The following CUBN variants were observed in gnomAD, a reference collection of about 807,000 sequenced individuals.
CUBN encodes the protein cubilin, also known as 460 kDa receptor.
Under a neutral mutation model 405.3 loss-of-function variants are expected in CUBN, and 282 were observed. That is an observed-to-expected ratio of 0.70 (90% confidence interval 0.63 to 0.77). The LOEUF is 0.77. Ranked by LOEUF, CUBN falls within the 30% of genes least tolerant of loss-of-function variation. The pLI, the probability that CUBN is intolerant of heterozygous loss-of-function variation, is 0.00. For synonymous variants in CUBN, 1,684 were observed against 1,617.0 expected (o/e 1.04, Z -0.99); for missense variants, 4,514 against 4,475.2 (o/e 1.01, Z -0.25).
chr10:16,950,590 G>A (rs942096606), intron 33 of CUBN, among the ~76,000 whole-genome samples: 2 of 152,204 alleles, frequency 1.3e-5, no homozygotes, highest in South Asian at 2.1e-4. Flanking sequence ...CATGGTTGAA[G>A]GGATAAAGCA....
At chr10:17,077,284 T>G (rs1012222766) in intron 17 of CUBN, among the ~76,000 whole-genome samples, 3 of 152,076 alleles carry the variant, frequency 2.0e-5, no homozygotes, top group African/African-American at 7.2e-5. Flanking sequence ...TTAAACTAGT[T>G]CCAGAAGAGA....
chr10:17,038,718 G>T (rs1340350564), intron 27 of CUBN, among the ~76,000 whole-genome samples: 3 of 152,192 alleles, frequency 2.0e-5, no homozygotes, highest in Non-Finnish European at 4.4e-5. Flanking sequence ...TTGTTTGTGT[G>T]TTAAAATTTC....
At chr10:16,971,580 T>C (rs888349666) in intron 31 of CUBN, among the ~76,000 whole-genome samples, 8 of 152,350 alleles carry the variant, frequency 5.3e-5, no homozygotes, top group South Asian at 2.1e-4. Context: ...TTAGTTTGTA[T>C]ACAATTTATG....
intron 25 of CUBN, among the ~76,000 whole-genome samples, 193 bp from the exon 26 acceptor site, chr10:17,044,176 T>C (rs1487700204): frequency 6.8e-6 from 1 of 147,002 alleles, no homozygotes; most frequent in Admixed American, 6.8e-5. Context: ...ATAAATTTAT[T>C]TAATACATAT....
At chr10:16,849,282 G>A (rs1293771604) in intron 60 of CUBN, among the ~76,000 whole-genome samples, 7 of 152,122 alleles carry the variant, frequency 4.6e-5, no homozygotes, top group African/African-American at 7.2e-5. Context: ...TTTTCATGAC[G>A]CGTCTGTTCT....
At chr10:17,067,670 G>A (rs1295012969) in intron 21 of CUBN, among the ~76,000 whole-genome samples, 1 of 152,118 alleles carries the variant, frequency 6.6e-6, no homozygotes, top group Non-Finnish European at 1.5e-5. Flanking sequence ...TATGCTAATT[G>A]AGGAAAGTCA....
chr10:16,852,715 T>C (rs1332999913), intron 59 of CUBN, among the ~76,000 whole-genome samples: 1 of 152,242 alleles, frequency 6.6e-6, no homozygotes, highest in Non-Finnish European at 1.5e-5. Flanking sequence ...TCAAGTACTT[T>C]GCATAATAAA....
chr10:16,854,792 T>C (rs1244832536), intron 59 of CUBN, among the ~76,000 whole-genome samples: 1 of 152,180 alleles, frequency 6.6e-6, no homozygotes, highest in Non-Finnish European at 1.5e-5. Flanking sequence ...ACTACTGCTA[T>C]GACTAATGCC....
intron 28 of CUBN, among the ~76,000 whole-genome samples, chr10:17,012,299 A>G (rs1429251243): frequency 6.6e-6 from 1 of 152,186 alleles, no homozygotes; most frequent in African/African-American, 2.4e-5. Flanking sequence ...TTGGTATAAG[A>G]GTTTGAAAGG....
At chr10:16,881,683 G>A (rs1304872247) in intron 56 of CUBN, among the ~76,000 whole-genome samples, 3 of 152,236 alleles carry the variant, frequency 2.0e-5, no homozygotes, top group Middle Eastern at 3.4e-3. Context: ...TCTAGTAGTC[G>A]TTTGTTTAAG....
intron 13 of CUBN, among the ~76,000 whole-genome samples, chr10:17,101,098 A>AT (rs1379690671): frequency 1.3e-5 from 2 of 152,182 alleles, no homozygotes; most frequent in African/African-American, 4.8e-5. Context: ...AATATAAGGA[A>AT]TTTTTTAAAT....
chr10:17,111,433 G>A (rs1269102672), intron 8 of CUBN, among the ~76,000 whole-genome samples: 1 of 152,124 alleles, frequency 6.6e-6, no homozygotes, highest in African/African-American at 2.4e-5. Flanking sequence ...ACTGGTATAA[G>A]TAGGTAAGAG....
chr10:16,949,378 G>C (rs1007689834), intron 34 of CUBN, among the ~76,000 whole-genome samples: 14 of 151,638 alleles, frequency 9.2e-5, no homozygotes, highest in African/African-American at 3.2e-4. Context: ...AGGATGAGAA[G>C]TTTTTACAAC....
In CUBN at chr10:17,045,097, C is replaced by T; in HGVS notation, c.3582G>A (p.Trp1194Ter). Residue 1194 changes from tryptophan (W) to a stop codon, truncating the protein, a stop_gained, in exon 25 of 67, where the codon TGG (tryptophan) becomes TGA (stop). Coordinates refer to ENST00000377833, the MANE Select transcript of CUBN (RefSeq NM_001081.4). LOFTEE classifies it high-confidence loss of function. ...ATGCGCTGCCGTGGCTAGATTTCAA[C>T]CACCAGTAGCATTCAGAGCTGTGGT... ...PYYHSSECYW[W>*]LKSSHGSAFE... The T allele has an allele frequency of 6.2e-7, 1 of 1,614,034 alleles. No individual in the cohort carries two copies. The highest frequency in any genetic ancestry group is 8.5e-7 in the Non-Finnish European group (1 of 1,179,980).
chr10:16,824,960 C>G lies in CUBN; in HGVS notation c.*15G>C, dbSNP rs751434522. Reference sequence around the variant, plus strand: ...GCAGAGGGAAAGTGCTGAGTGAACACGAGTTGTTACCCACTTAGCTGTCCC... The same window carrying G: ...GCAGAGGGAAAGTGCTGAGTGAACAGGAGTTGTTACCCACTTAGCTGTCCC... On this transcript the variant is annotated 3_prime_UTR_variant, in exon 67 of 67. Coordinates refer to ENST00000377833, the MANE Select transcript of CUBN (RefSeq NM_001081.4). 1.3e-6 allele frequency: 2 copies of G among 1,587,104 alleles called. No homozygotes were observed. Among genetic ancestry groups the G allele is most frequent in the East Asian group, 2.2e-5 (1 of 44,728 alleles).
chr10:16,962,808 T>C (rs976827875), intron 31 of CUBN, among the ~76,000 whole-genome samples: 1 of 152,142 alleles, frequency 6.6e-6, no homozygotes, highest in African/African-American at 2.4e-5. Flanking sequence ...TACATTCACA[T>C]GAGTGAGCCA....
chr10:17,062,613 G>A (rs908475663), intron 22 of CUBN, among the ~76,000 whole-genome samples: 1 of 152,192 alleles, frequency 6.6e-6, no homozygotes, highest in South Asian at 2.1e-4. Flanking sequence ...AAAGTAACAA[G>A]GGAGGAAGTC....
At chr10:17,113,828 A>C (rs1836822475) in intron 8 of CUBN, among the ~76,000 whole-genome samples, 199 bp downstream of exon 8, 1 of 152,222 alleles carries the variant, frequency 6.6e-6, no homozygotes, top group Non-Finnish European at 1.5e-5. Context: ...GTCTGACTCT[A>C]GCACAGTTTT....
At chr10:17,102,328 C>A (rs189059806) in intron 13 of CUBN, among the ~76,000 whole-genome samples, 1 of 150,034 alleles carries the variant, frequency 6.7e-6, no homozygotes, top group Non-Finnish European at 1.5e-5. Flanking sequence ...GCTCTGTCAC[C>A]CAGGCTGGAG....
Sources: allele counts gnomAD v4.1 joint callset (sites outside exome capture counted in the v4.1 genomes callset), GRCh38; gene constraint gnomAD v4.1.1; transcripts MANE v1.5; gene names NCBI Gene and HGNC (gene_info 2026-07-23, HGNC 2026-07-21).